The following USP6NL variants were observed in gnomAD, a reference collection of about 807,000 sequenced individuals.
The protein encoded by USP6NL is USP6 N-terminal-like protein.
USP6NL carries 26 observed loss-of-function variants against 61.9 expected under a neutral mutation model. The observed-to-expected ratio is 0.42, with a 90% CI of 0.31 to 0.58. The LOEUF (loss-of-function observed/expected upper bound fraction) is 0.58, where lower values mean the gene tolerates loss of function less well. USP6NL is among the 20% of genes least tolerant of loss of function. The probability of loss-of-function intolerance (pLI) is 0.16; values close to 1 mark genes in which losing one functional copy is unlikely to be tolerated. For synonymous variants in USP6NL, 432 were observed against 390.1 expected (o/e 1.11, Z -1.27); for missense variants, 1,114 against 1,034.3 (o/e 1.08, Z -1.06).
Position 11,528,660 on chromosome 10 carries a change from G to T in USP6NL, c.5-1093C>A, listed in dbSNP as rs895546948. On this transcript the variant is annotated intron_variant, in intron 2 of 14. Transcript: ENST00000609104. The surrounding 1 kb of genome is among the most constrained non-coding windows in gnomAD (Gnocchi z 4.6). ...ATTTTAATTACTATTTTATAAAAAT[G>T]ATGACTAAAGACATGAAAAAGGACT... 1.3e-5 allele frequency among the ~76,000 whole-genome samples: 2 copies of T among 152,174 alleles called. No individual in the cohort carries two copies. The highest frequency in any genetic ancestry group is 2.9e-5 in the Non-Finnish European group (2 of 68,030).
rs1837510426 is a variant in USP6NL at position 11,575,566 on chromosome 10, T to C, written c.4+22065A>G. ...GAGGAGTATCTAAATTCATGTCTCA[T>C]AAATTTCAATCATCATCTTCCTTAT... On this transcript the variant is annotated intron_variant, in intron 2 of 14. Transcript: ENST00000609104. This position sits in a 1 kb window ranked among gnomAD's most constrained non-coding sequence, Gnocchi z 4.2. 6.6e-6 allele frequency among the ~76,000 whole-genome samples: 1 copy of C among 152,218 alleles called. No homozygotes were observed. The highest frequency in any genetic ancestry group is 1.5e-5 in the Non-Finnish European group (1 of 68,024).
rs574681178 is a variant in USP6NL at position 11,568,472 on chromosome 10, T to C, written c.4+29159A>G. On this transcript the variant is annotated intron_variant, in intron 2 of 14. Coordinates refer to ENST00000609104, the MANE Select transcript of USP6NL (RefSeq NM_014688.5). ...ACATTCTAATGGCCATATCCGTGTT[T>C]CACCTTAGGATATATGCTACTTCTA... 3.3e-5 allele frequency among the ~76,000 whole-genome samples: 5 copies of C among 152,318 alleles called. No homozygotes were observed. The South Asian group carries it at 1.0e-3, about 32-fold the overall frequency.
intron 10 of USP6NL, 143 bp downstream of exon 10, chr10:11,488,959 A>G: frequency 9.4e-7 from 1 of 1,061,640 alleles, no homozygotes; most frequent in Non-Finnish European, 1.3e-6. Flanking sequence ...TGAAAGAAGA[A>G]ACTAGTAACA....
In USP6NL at chr10:11,489,328, C is replaced by G; in HGVS notation, c.544-106G>C. Reference sequence around the variant, plus strand: ...AAAACCAGAAAATGCCTACACACATCATTTAATGGTCCATTCTAGAGACAA... The same window carrying G: ...AAAACCAGAAAATGCCTACACACATGATTTAATGGTCCATTCTAGAGACAA... On this transcript the variant is annotated intron_variant, in intron 9 of 14. Transcript: ENST00000609104. This position sits in a 1 kb window ranked among gnomAD's most constrained non-coding sequence, Gnocchi z 5.7. The G allele has an allele frequency of 7.1e-7, 1 of 1,411,280 alleles. No homozygotes were observed. The highest frequency in any genetic ancestry group is 2.1e-5 in the Admixed American group (1 of 48,368). 87.4% of individuals were successfully genotyped at this position (1,411,280 alleles called of 1,614,324 possible).
chr10:11,560,096 TAAA>T (rs917652649), intron 2 of USP6NL, among the ~76,000 whole-genome samples: 3 of 152,156 alleles, frequency 2.0e-5, no homozygotes, highest in African/African-American at 7.2e-5. Context: ...TCCATAAAAA[TAAA>T]ATAATAAAGT....
chr10:11,561,665 T>A lies in USP6NL; in HGVS notation c.5-34098A>T, dbSNP rs1469543413. ...CTACTGGTTTGGGTATTGTAAACAA[T>A]GCTACAGTGAGGATCTTTGTGCATG... is the stretch of plus-strand genomic sequence containing the variant. On this transcript the variant is annotated intron_variant, in intron 2 of 14. Coordinates refer to ENST00000609104, the MANE Select transcript of USP6NL (RefSeq NM_014688.5). The surrounding 1 kb of genome is among the most constrained non-coding windows in gnomAD (Gnocchi z 4.1). 6.6e-6 allele frequency among the ~76,000 whole-genome samples: 1 copy of A among 152,234 alleles called. No homozygotes were observed. Among genetic ancestry groups the A allele is most frequent in the African/African-American group, 2.4e-5 (1 of 41,458 alleles).
At chr10:11,566,740 G>A (rs1177181331) in intron 2 of USP6NL, among the ~76,000 whole-genome samples, 1 of 152,194 alleles carries the variant, frequency 6.6e-6, no homozygotes, top group Non-Finnish European at 1.5e-5. Flanking sequence ...GTGGCTACTG[G>A]CTACCATGCT....
rs1340744301 is a variant in USP6NL at position 11,511,160 on chromosome 10, C to G, written c.196-1485G>C. Among the ~76,000 whole-genome samples, 2 of 152,168 alleles carry G rather than the reference C, an allele frequency of 1.3e-5. No individual in the cohort carries two copies. The highest frequency in any genetic ancestry group is 4.1e-4 in the South Asian group (2 of 4,832). ...CAATTTTAGGCATATTCTTAAAACT[C>G]TCAATTACCTAACTCTTTTTAAAAT... is the stretch of plus-strand genomic sequence containing the variant. On this transcript the variant is annotated intron_variant, in intron 5 of 14. Transcript: ENST00000609104. This position sits in a 1 kb window ranked among gnomAD's most constrained non-coding sequence, Gnocchi z 4.9.
Position 11,587,083 on chromosome 10 carries a change from C to G in USP6NL, c.4+10548G>C, listed in dbSNP as rs933943220. Among the ~76,000 whole-genome samples the G allele has an allele frequency of 2.6e-4, 39 of 152,250 alleles. No homozygotes were observed. Among genetic ancestry groups the G allele is most frequent in the African/African-American group, 9.1e-4 (38 of 41,548 alleles). ...ACTACTGGCTCAATGTCTGGCTTTCCCACCAGTTCCATGATCTACAAGGCC... is the reference window on the plus strand; with the variant it reads ...ACTACTGGCTCAATGTCTGGCTTTCGCACCAGTTCCATGATCTACAAGGCC... On this transcript the variant is annotated intron_variant, in intron 2 of 14. Transcript: ENST00000609104. This position sits in a 1 kb window ranked among gnomAD's most constrained non-coding sequence, Gnocchi z 4.5.
Position 11,491,738 on chromosome 10 carries a change from G to T in USP6NL, c.495-858C>A, listed in dbSNP as rs1289986248. On this transcript the variant is annotated intron_variant, in intron 8 of 14. Transcript: ENST00000609104. The surrounding 1 kb of genome is among the most constrained non-coding windows in gnomAD (Gnocchi z 4.7). ...ACTGAGCCCTGTGATGAAAGTCAAT[G>T]GAAAACTACCAATTCAGGCAGAACT... Among the ~76,000 whole-genome samples the T allele has an allele frequency of 6.6e-6, 1 of 152,162 alleles. No individual in the cohort carries two copies. Among genetic ancestry groups the T allele is most frequent in the Non-Finnish European group, 1.5e-5 (1 of 68,024 alleles).
At chr10:11,497,112 T>TTTTTTTTTG (rs1325634631) in intron 7 of USP6NL, among the ~76,000 whole-genome samples, 1 of 129,956 alleles carries the variant, frequency 7.7e-6, no homozygotes, top group African/African-American at 2.8e-5. Context: ...TTTTTTTTTT[T>TTTTTTTTTG]TAAGATAATG....
At position 11,537,525 on chromosome 10, in the gene USP6NL, C is replaced by T. The variant is rs12415820; in HGVS notation, c.5-9958G>A. ...TTATCAGCACAAATATGATTTATAC[C>T]TTCCCATTCAAAATATTTCTCGTAT... is the stretch of plus-strand genomic sequence containing the variant. On this transcript the variant is annotated intron_variant, in intron 2 of 14. Coordinates refer to ENST00000609104, the MANE Select transcript of USP6NL (RefSeq NM_014688.5). The surrounding 1 kb of genome is among the most constrained non-coding windows in gnomAD (Gnocchi z 5.1). Among the ~76,000 whole-genome samples, 529 of 152,238 alleles carry T rather than the reference C, an allele frequency of 3.5e-3. 11 individuals are homozygous for T. Among genetic ancestry groups the T allele is most frequent in the Admixed American group, 0.024 (366 of 15,296 alleles).
chr10:11,570,022 T>G (rs1209673111), intron 2 of USP6NL, among the ~76,000 whole-genome samples: 3 of 152,236 alleles, frequency 2.0e-5, no homozygotes, highest in Non-Finnish European at 4.4e-5. Context: ...TCCTTTGGGA[T>G]GCTCACACAA....
At chr10:11,580,227 T>C (rs181483721) in intron 2 of USP6NL, among the ~76,000 whole-genome samples, 5 of 152,348 alleles carry the variant, frequency 3.3e-5, no homozygotes, top group Admixed American at 2.6e-4. Flanking sequence ...TTAGTTGTTA[T>C]TTAATAAAGA....
chr10:11,473,285 G>A (rs1832832192), intron 14 of USP6NL, among the ~76,000 whole-genome samples: 1 of 152,214 alleles, frequency 6.6e-6, no homozygotes, highest in African/African-American at 2.4e-5. Flanking sequence ...AGGTGCTGGT[G>A]AGGCAGGAGC....
rs1833435061 is a variant in USP6NL, at chr10:11,485,743, A to G, written c.759+74T>C. ...TATAAATTAATAAGGTAATTGGACC[A>G]AAGACAATTTAATTATCCCAGCTTT... On this transcript the variant is annotated intron_variant, in intron 11 of 14. Coordinates refer to ENST00000609104, the MANE Select transcript of USP6NL (RefSeq NM_014688.5). This position sits in a 1 kb window ranked among gnomAD's most constrained non-coding sequence, Gnocchi z 4.8. 4 of 980,066 alleles carry G rather than the reference A, an allele frequency of 4.1e-6. No individual in the cohort carries two copies. The highest frequency in any genetic ancestry group is 3.1e-5 in the South Asian group (2 of 64,932). 60.7% of individuals were successfully genotyped at this position (980,066 alleles called of 1,614,324 possible).
rs907730411 is a variant in USP6NL, at chr10:11,553,144, A to G, written c.5-25577T>C. Reference sequence around the variant, plus strand: ...CACTAAGTTTTTAATATTCTTTTCAATCATCCTTCCTTTTACATTTGCTCC... The same window carrying G: ...CACTAAGTTTTTAATATTCTTTTCAGTCATCCTTCCTTTTACATTTGCTCC... On this transcript the variant is annotated intron_variant, in intron 2 of 14. Transcript: ENST00000609104. This position sits in a 1 kb window ranked among gnomAD's most constrained non-coding sequence, Gnocchi z 4.8. 6.6e-6 allele frequency among the ~76,000 whole-genome samples: 1 copy of G among 152,106 alleles called. No individual in the cohort carries two copies. The highest frequency in any genetic ancestry group is 1.5e-5 in the Non-Finnish European group (1 of 68,020).
At position 11,596,166 on chromosome 10, in the gene USP6NL, G is replaced by A. The variant is rs950392446; in HGVS notation, c.4+1465C>T. Among the ~76,000 whole-genome samples the A allele has an allele frequency of 5.9e-5, 9 of 152,178 alleles. No individual in the cohort carries two copies. Among genetic ancestry groups the A allele is most frequent in the Non-Finnish European group, 1.0e-4 (7 of 68,024 alleles). On this transcript the variant is annotated intron_variant, in intron 2 of 14. Transcript: ENST00000609104. The surrounding 1 kb of genome is among the most constrained non-coding windows in gnomAD (Gnocchi z 4.1). ...AACAGAACCCAAAAATTGCAAAGTA[G>A]AAGAAAATTTATTTCACTTTCCAAA...
intron 5 of USP6NL, among the ~76,000 whole-genome samples, chr10:11,515,684 T>C (rs1030365302): frequency 2.6e-5 from 4 of 152,214 alleles, no homozygotes; most frequent in Admixed American, 1.3e-4. Flanking sequence ...GTGTCAAGTA[T>C]GAGAGGAGGA....
Sources: gnomAD v4.1 joint callset for allele counts (sites outside exome capture counted in the v4.1 genomes callset) on GRCh38, gnomAD v4.1.1 for gene constraint, Gnocchi (gnomAD v3.1) non-coding constraint, MANE v1.5 for transcripts, NCBI Gene and HGNC (gene_info 2026-07-23, HGNC 2026-07-21) for gene names.